Variants in SLFN12L observed in about 807,000 individuals in gnomAD.
The protein encoded by SLFN12L is schlafen family member 12 like, also known as schlafen family member 12-like.
A neutral mutation model predicts 34.8 loss-of-function variants in SLFN12L; 34 were observed. That is an observed-to-expected ratio of 0.98 (90% CI 0.74 to 1.30). The LOEUF (loss-of-function observed/expected upper bound fraction) is 1.30, where lower values mean the gene tolerates loss of function less well. Ranked by LOEUF, SLFN12L falls within the 50% of genes most tolerant of loss-of-function variation. The probability of loss-of-function intolerance (pLI) is 0.00; values close to 1 mark genes in which losing one functional copy is unlikely to be tolerated. For missense variants in SLFN12L, 703 were observed against 696.2 expected, an observed-to-expected ratio of 1.01 and a Z score of -0.11; for synonymous variants, 259 against 247.5, an observed-to-expected ratio of 1.05 and a Z score of -0.44.
At chr17:35,504,054 A>G (rs558174283) in intron 2 of SLFN12L, among the ~76,000 whole-genome samples, 3 of 152,334 alleles carry the variant, frequency 2.0e-5, no homozygotes, top group Admixed American at 6.5e-5. Flanking sequence ...ATTTCTGACC[A>G]TCTAGTTATT....
chr17:35,522,334 C>T lies in SLFN12L; in HGVS notation c.31G>A (p.Glu11Lys), dbSNP rs758682064. The change falls in exon 2 of 5, where the codon GAG (glutamate) becomes AAG (lysine). Residue 11 changes from glutamate (E) to lysine (K), a missense_variant. Transcript: ENST00000628453. The stretch of plus-strand genomic sequence containing the variant: ...CAAATGTAGAGAATTCTGTGTGCCT[C>T]ACAGTGAAACACATTCCTGATCTTC... Reference protein sequence around the residue: MEKIRNVFHCEAHRILYICES... With the variant: MEKIRNVFHCKAHRILYICES... 25 of 1,614,084 alleles carry T rather than the reference C, an allele frequency of 1.5e-5. No homozygotes were observed. Among genetic ancestry groups the T allele is most frequent in the Non-Finnish European group, 2.1e-5 (25 of 1,180,042 alleles).
intron 2 of SLFN12L, among the ~76,000 whole-genome samples, chr17:35,518,584 C>T (rs1915906850): frequency 7.0e-6 from 1 of 143,630 alleles, no homozygotes; most frequent in Admixed American, 7.0e-5. Flanking sequence ...ATGCACCGAA[C>T]AAACATGAAA....
In SLFN12L at chr17:35,475,114, T is replaced by C. The variant is rs1367436732; in HGVS notation, c.1648A>G (p.Ser550Gly). Residue 550 changes from serine to glycine, a missense_variant, in exon 5 of 5, where the codon AGC becomes GGC. Physicochemically the swap from Ser to Gly is moderately conservative, Grantham distance 56. Transcript: ENST00000628453. ...TGCGAGTTTAAATCATACTGGCAGCTTGTCTTGCCTTCAGGGCTCAAGTAG... is the reference window on the plus strand; with the variant it reads ...TGCGAGTTTAAATCATACTGGCAGCCTGTCTTGCCTTCAGGGCTCAAGTAG... ...IFYLSPEGKT[S>G]CQYDLNSQVI... 6 of 1,614,126 alleles carry C rather than the reference T, an allele frequency of 3.7e-6. No homozygotes were observed. In the Middle Eastern group the frequency reaches 4.9e-4, roughly 133 times the overall value.
Position 35,474,955 on chromosome 17 carries a change from C to T in SLFN12L, c.1807G>A (p.Val603Ile). The T allele has an allele frequency of 6.4e-7, 1 of 1,550,650 alleles. No individual in the cohort carries two copies. The highest frequency in any genetic ancestry group is 8.7e-7 in the Non-Finnish European group (1 of 1,146,672). The part of the protein sequence containing the change: ...FVCLFRFCLF[V>I]CWFVCFFLR ...AAGAAAAAACAAACAAACCAACAAA[C>T]AAACAAACAAAAACGAAACAAACAA... The change falls in exon 5 of 5, where the codon GTT becomes ATT. Residue 603 changes from valine (V) to isoleucine (I), a missense_variant. Coordinates refer to ENST00000628453, the MANE Select transcript of SLFN12L (RefSeq NM_001363830.2).
chr17:35,470,531 G>A lies in SLFN12L; in HGVS notation c.*4392C>T, dbSNP rs918718851. ...GTGGCTTCAGGGTGCCAGCCAGGAG[G>A]AGTTCTGGTGCACTCACTGTTTGAT... On this transcript the variant is annotated 3_prime_UTR_variant, in exon 5 of 5. Coordinates refer to ENST00000628453, the MANE Select transcript of SLFN12L (RefSeq NM_001363830.2). 1.3e-5 allele frequency: 2 copies of A among 152,314 alleles called. No homozygotes were observed. 9.4% of individuals were successfully genotyped at this position (152,314 alleles called of 1,614,324 possible).
At chr17:35,492,972 C>A (rs56295119) in intron 2 of SLFN12L, among the ~76,000 whole-genome samples, 175 of 105,082 alleles carry the variant, frequency 1.7e-3, no homozygotes, top group African/African-American at 6.3e-3. Context: ...AAAAAAAACA[C>A]ACACACACAC....
intron 2 of SLFN12L, among the ~76,000 whole-genome samples, chr17:35,497,947 G>T (rs1228532429): frequency 6.6e-6 from 1 of 152,224 alleles, no homozygotes; most frequent in Non-Finnish European, 1.5e-5. Context: ...CACTTTGGGA[G>T]GCCAAGGTGG....
rs191957506 is a variant in SLFN12L, at chr17:35,466,798, C to T, written c.*8125G>A. ...TACTCATGCCTCCTAAAGTCTAGAC[C>T]ACCTGTGATGGCTACGAATTGCCTG... On this transcript the variant is annotated 3_prime_UTR_variant, in exon 5 of 5. Coordinates refer to ENST00000628453, the MANE Select transcript of SLFN12L (RefSeq NM_001363830.2). 3.3e-5 allele frequency among the ~76,000 whole-genome samples: 5 copies of T among 152,292 alleles called. No homozygotes were observed.
chr17:35,513,310 A>G (rs1302636569), intron 2 of SLFN12L, among the ~76,000 whole-genome samples: 1 of 152,200 alleles, frequency 6.6e-6, no homozygotes, highest in African/African-American at 2.4e-5. Flanking sequence ...GACTTGCCCG[A>G]GGCTGTGCAG....
intron 2 of SLFN12L, among the ~76,000 whole-genome samples, chr17:35,505,658 T>A (rs1465917287): frequency 6.6e-6 from 1 of 152,148 alleles, no homozygotes; most frequent in African/African-American, 2.4e-5. Flanking sequence ...TGGACTCCGT[T>A]TATTCTAGTG....
rs1409452542 is a variant in SLFN12L, at chr17:35,469,406, C to T, written c.*5517G>A. On this transcript the variant is annotated 3_prime_UTR_variant, in exon 5 of 5. Transcript: ENST00000628453. Reference sequence around the variant, plus strand: ...ACTCCACCAAGATAATAGTAAAAACCTCCAAAAATTTCAGATCTACTTTCT... The same window carrying T: ...ACTCCACCAAGATAATAGTAAAAACTTCCAAAAATTTCAGATCTACTTTCT... Among the ~76,000 whole-genome samples the T allele has an allele frequency of 6.7e-6, 1 of 148,232 alleles. No homozygotes were observed. Among genetic ancestry groups the T allele is most frequent in the Non-Finnish European group, 1.5e-5 (1 of 67,354 alleles).
intron 2 of SLFN12L, among the ~76,000 whole-genome samples, chr17:35,484,267 T>C (rs181048236): frequency 9.5e-4 from 145 of 152,320 alleles, no homozygotes; most frequent in Admixed American, 2.7e-3. Flanking sequence ...GTACCTATAC[T>C]TGGCACTAAT....
At chr17:35,489,889 A>T (rs1914762509) in intron 2 of SLFN12L, 1 of 840,544 alleles carries the variant, frequency 1.2e-6, no homozygotes, top group Non-Finnish European at 1.9e-6. Context: ...CTTGTGGAAT[A>T]TTATGACAGT....
chr17:35,498,924 G>T, intron 2 of SLFN12L: 1 of 721,720 alleles, frequency 1.4e-6, no homozygotes, highest in Non-Finnish European at 2.5e-6. Flanking sequence ...GCAGAACGAT[G>T]CTGCCCTGGA....
intron 2 of SLFN12L, among the ~76,000 whole-genome samples, chr17:35,521,032 T>C (rs1162821904): frequency 3.3e-5 from 5 of 152,082 alleles, no homozygotes; most frequent in Non-Finnish European, 1.5e-5. Context: ...AACTTATAAA[T>C]TGTGTGATTT....
intron 2 of SLFN12L, among the ~76,000 whole-genome samples, chr17:35,493,673 GT>G (rs1409671221): frequency 4.6e-5 from 7 of 152,142 alleles, no homozygotes; most frequent in Non-Finnish European, 8.8e-5. Flanking sequence ...CACAAAGTGG[GT>G]TAGTACTACA....
intron 2 of SLFN12L, among the ~76,000 whole-genome samples, chr17:35,510,651 T>G (rs1915608886): frequency 6.6e-6 from 1 of 152,156 alleles, no homozygotes; most frequent in Non-Finnish European, 1.5e-5. Flanking sequence ...AGGTGGATAG[T>G]GGTGATCATT....
intron 2 of SLFN12L, among the ~76,000 whole-genome samples, chr17:35,520,673 G>A (rs1197440074): frequency 1.3e-5 from 2 of 151,856 alleles, no homozygotes. Context: ...TTGAACCCAG[G>A]AGGCAGCAGT....
intron 2 of SLFN12L, among the ~76,000 whole-genome samples, chr17:35,482,265 C>T (rs1016012144): frequency 2.0e-5 from 3 of 152,192 alleles, no homozygotes; most frequent in Non-Finnish European, 2.9e-5. Context: ...ACATGATGGG[C>T]GTTTGGGAGG....
Sources: gnomAD v4.1 joint callset for allele counts (sites outside exome capture counted in the v4.1 genomes callset) on GRCh38, gnomAD v4.1.1 for gene constraint, MANE v1.5 for transcripts, NCBI Gene and HGNC (gene_info 2026-07-23, HGNC 2026-07-21) for gene names.